Variants in PATJ observed in about 807,000 individuals in gnomAD.
The protein encoded by PATJ is PATJ crumbs cell polarity complex component.
PATJ carries 190 observed loss-of-function variants against 224.9 expected under a neutral mutation model. That is an observed-to-expected ratio of 0.84 (90% CI 0.75 to 0.95). The LOEUF is 0.95. Ranked by LOEUF, PATJ falls within the 40% of genes least tolerant of loss-of-function variation. The pLI is 0.00. For synonymous variants in PATJ, 769 were observed against 820.3 expected, an observed-to-expected ratio of 0.94 and a Z score of 1.07; for missense variants, 2,121 against 2,270.3, an observed-to-expected ratio of 0.93 and a Z score of 1.34.
At chr1:62,047,671 G>T (rs983083484) in intron 30 of PATJ, among the ~76,000 whole-genome samples, 4 of 152,176 alleles carry the variant, frequency 2.6e-5, no homozygotes, top group Non-Finnish European at 5.9e-5. Context: ...GTTTTCCATA[G>T]ATTAAATACT....
At chr1:61,917,236 T>C (rs538930461) in intron 26 of PATJ, among the ~76,000 whole-genome samples, 3 of 152,306 alleles carry the variant, frequency 2.0e-5, no homozygotes, top group African/African-American at 4.8e-5. Context: ...GCTTGGCCTA[T>C]GCACAGGGAT....
At chr1:61,978,793 CA>C (rs1188081891) in intron 27 of PATJ, among the ~76,000 whole-genome samples, 1 of 151,780 alleles carries the variant, frequency 6.6e-6, no homozygotes, top group African/African-American at 2.4e-5. Context: ...GGAAACAGAC[CA>C]GATAACTAAA....
chr1:61,756,798 T>A (rs1004130643), intron 1 of PATJ, among the ~76,000 whole-genome samples: 1 of 152,054 alleles, frequency 6.6e-6, no homozygotes, highest in Non-Finnish European at 1.5e-5. Flanking sequence ...CAGGCTGGTC[T>A]TGAACTCCTG....
intron 21 of PATJ, among the ~76,000 whole-genome samples, chr1:61,879,447 G>C (rs1025183298): frequency 6.6e-6 from 1 of 152,110 alleles, no homozygotes; most frequent in African/African-American, 2.4e-5. Context: ...TATTTAAAAA[G>C]AAGAAAAGTT....
chr1:61,766,501 T>C (rs1290444), intron 4 of PATJ, 28 bp downstream of exon 4: 129,526 of 1,468,174 alleles, frequency 0.088, 6,201 homozygotes, highest in Non-Finnish European at 0.098. Context: ...CATGGAAATA[T>C]TTAGCTTCAT....
Position 61,910,303 on chromosome 1 carries a change from C to A in PATJ, c.3492+1821C>A, listed in dbSNP as rs548157244. On this transcript the variant is annotated intron_variant, in intron 25 of 43. Transcript: ENST00000642238. ...GGTGGAAACTTTTGTTTGGATGACACAAACAGTGCAATTTCTTTCAATTAT... is the reference window on the plus strand; with the variant it reads ...GGTGGAAACTTTTGTTTGGATGACAAAAACAGTGCAATTTCTTTCAATTAT... Among the ~76,000 whole-genome samples the A allele has an allele frequency of 2.3e-4, 35 of 152,284 alleles. No individual in the cohort carries two copies. The East Asian group carries it at 6.6e-3, about 29-fold the overall frequency.
chr1:61,822,869 A>G, intron 14 of PATJ, 76 bp from the exon 15 acceptor site: 2 of 1,551,572 alleles, frequency 1.3e-6, no homozygotes, highest in South Asian at 2.4e-5. Context: ...TTTCACTTCA[A>G]AATAGCACTG....
In PATJ at chr1:61,833,706, C is replaced by T; in HGVS notation, c.2033C>T (p.Ala678Val). The T allele has an allele frequency of 6.2e-7, 1 of 1,613,086 alleles. No individual in the cohort carries two copies. Among genetic ancestry groups the T allele is most frequent in the African/African-American group, 1.3e-5 (1 of 75,010 alleles). The change falls in exon 17 of 44, where the codon GCA (alanine) becomes GTA (valine). Residue 678 changes from alanine (A) to valine (V), a missense_variant. Physicochemically the swap from Ala to Val is moderately conservative, Grantham distance 64. Transcript: ENST00000642238. ...GAAGAAGATGATGATGGGGAATTAG[C>T]ACTGTGGTCCCCTGAAGTCAAGATT... ...NTEEDDDGEL[A>V]LWSPEVKIVE...
chr1:61,828,168 G>A (rs2788614), intron 16 of PATJ, among the ~76,000 whole-genome samples: 119,033 of 151,260 alleles, frequency 0.79, 47,535 homozygotes, highest in East Asian at 0.89. Context: ...ACTTGAAGCC[G>A]GGAGGCGGAG....
At chr1:61,814,081 T>G (rs1365844470) in intron 14 of PATJ, among the ~76,000 whole-genome samples, 1 of 151,868 alleles carries the variant, frequency 6.6e-6, no homozygotes, top group African/African-American at 2.4e-5. Flanking sequence ...TGTTTCCCTG[T>G]TTTCTTCACT....
chr1:61,970,599 C>G (rs1393151025), intron 27 of PATJ, among the ~76,000 whole-genome samples: 1 of 152,070 alleles, frequency 6.6e-6, no homozygotes, highest in Non-Finnish European at 1.5e-5. Flanking sequence ...CTCAAGTGAT[C>G]CTCCCACCTC....
intron 23 of PATJ, among the ~76,000 whole-genome samples, chr1:61,900,359 G>C (rs927808901): frequency 6.6e-6 from 1 of 151,972 alleles, no homozygotes; most frequent in South Asian, 2.1e-4. Flanking sequence ...ATATTTTGAG[G>C]GAGGCAGTTT....
chr1:61,974,717 T>TA (rs1644034125), intron 27 of PATJ, among the ~76,000 whole-genome samples: 1 of 151,968 alleles, frequency 6.6e-6, no homozygotes, highest in Non-Finnish European at 1.5e-5. Flanking sequence ...TTCTTTATAC[T>TA]AAAAAATAAT....
intron 17 of PATJ, among the ~76,000 whole-genome samples, chr1:61,838,400 G>T (rs542205822): frequency 2.6e-5 from 4 of 151,468 alleles, no homozygotes; most frequent in African/African-American, 9.7e-5. Flanking sequence ...AGTCGCCCAG[G>T]CTGGAGTGCA....
At chr1:62,089,904 G>C (rs539693336) in intron 33 of PATJ, among the ~76,000 whole-genome samples, 1 of 152,284 alleles carries the variant, frequency 6.6e-6, no homozygotes, top group East Asian at 1.9e-4. Flanking sequence ...TGGGGAAAGA[G>C]TATGTCCTGA....
intron 41 of PATJ, among the ~76,000 whole-genome samples, chr1:62,140,418 C>T (rs978526848): frequency 2.6e-5 from 4 of 152,020 alleles, no homozygotes; most frequent in South Asian, 2.1e-4. Context: ...TTTGGGAGGC[C>T]GAGGCAGGCG....
chr1:61,870,673 T>C (rs1314182287), intron 20 of PATJ, among the ~76,000 whole-genome samples: 2 of 152,246 alleles, frequency 1.3e-5, no homozygotes, highest in African/African-American at 4.8e-5. Flanking sequence ...TTGCGAATAA[T>C]GGTGTTATGA....
intron 1 of PATJ, among the ~76,000 whole-genome samples, chr1:61,749,475 T>G (rs1178553719): frequency 1.3e-5 from 2 of 152,176 alleles, no homozygotes; most frequent in Non-Finnish European, 2.9e-5. Context: ...TTGAATCAAC[T>G]GGCAAAAAGT....
intron 4 of PATJ, 144 bp downstream of exon 4, chr1:61,766,617 T>A (rs912007771): frequency 3.8e-6 from 2 of 523,208 alleles, no homozygotes; most frequent in Middle Eastern, 4.8e-4. Context: ...TAGGAGAAAC[T>A]GACACCATTT....
Sources: gnomAD v4.1 joint callset for allele counts (sites outside exome capture counted in the v4.1 genomes callset) on GRCh38, gnomAD v4.1.1 for gene constraint, MANE v1.5 for transcripts, NCBI Gene and HGNC (gene_info 2026-07-23, HGNC 2026-07-21) for gene names.